The following EVI2B variants were observed in gnomAD, a reference collection of about 807,000 sequenced individuals.
EVI2B encodes ecotropic viral integration site 2B.
Under a neutral mutation model 6.6 loss-of-function variants are expected in EVI2B, and 4 were observed. The observed-to-expected ratio is 0.61, with a 90% confidence interval of 0.30 to 1.39. The LOEUF is 1.39. EVI2B is among the 40% of genes most tolerant of loss of function. The pLI, the probability that EVI2B is intolerant of heterozygous loss-of-function variation, is 0.08. For synonymous variants in EVI2B, 181 were observed against 186.8 expected (o/e 0.97, Z 0.25); for missense variants, 484 against 516.6 (o/e 0.94, Z 0.61).
chr17:31,307,933 C>A, intron 1 of EVI2B: 35 of 1,288,794 alleles, frequency 2.7e-5, no homozygotes, highest in Non-Finnish European at 3.5e-5. Flanking sequence ...TCCTCTACCA[C>A]TTGGTACACA....
chr17:31,308,801 C>T (rs1179418816), intron 1 of EVI2B, among the ~76,000 whole-genome samples: 1 of 152,136 alleles, frequency 6.6e-6, no homozygotes, highest in Non-Finnish European at 1.5e-5. Context: ...TTCCCCCTAG[C>T]TCTCATTTAT....
chr17:31,304,549 TG>T lies in EVI2B; in HGVS notation c.1060del (p.Gln354AsnfsTer7). 4 of 1,614,178 alleles carry T rather than the reference TG, an allele frequency of 2.5e-6. No homozygotes were observed. Among genetic ancestry groups the T allele is most frequent in the Non-Finnish European group, 2.5e-6 (3 of 1,180,020 alleles). On this transcript the variant is annotated frameshift_variant, in exon 2 of 2. Coordinates refer to ENST00000330927, the MANE Select transcript of EVI2B (RefSeq NM_006495.4). LOFTEE classifies it low-confidence loss of function (END_TRUNC). ...LLDLEGQESN[Q>X]SDKPTMTIVS... is the part of the protein sequence containing the mutation. ...AATTGTCATTGTGGGTTTGTCAGAT[TG>T]GTTACTTTCCTGTCCTTCCAAATCC...
At chr17:31,310,802 G>T (rs894936471) in intron 1 of EVI2B, among the ~76,000 whole-genome samples, 2 of 151,984 alleles carry the variant, frequency 1.3e-5, no homozygotes, top group Admixed American at 1.3e-4. Flanking sequence ...TTATAGGCTG[G>T]CACTTTGAGG....
chr17:31,305,935 TACTTC>T (rs998770690), intron 1 of EVI2B, among the ~76,000 whole-genome samples: 2 of 152,200 alleles, frequency 1.3e-5, no homozygotes, highest in African/African-American at 4.8e-5. Context: ...TATATTTCAG[TACTTC>T]ACTTAGTCAT....
chr17:31,307,928 T>C, intron 1 of EVI2B: 2 of 1,288,930 alleles, frequency 1.6e-6, no homozygotes, highest in South Asian at 1.2e-5. Flanking sequence ...CTTACTCCTC[T>C]ACCACTTGGT....
intron 1 of EVI2B, among the ~76,000 whole-genome samples, chr17:31,311,345 C>T (rs1354381290): frequency 6.6e-6 from 1 of 151,886 alleles, no homozygotes; most frequent in Non-Finnish European, 1.5e-5. Context: ...AGGAAGTATG[C>T]CATTATCTTT....
At position 31,303,947 on chromosome 17, in the gene EVI2B, A is replaced by T; in HGVS notation, c.*316T>A. The T allele has an allele frequency of 5.5e-6, 1 of 183,042 alleles. No homozygotes were observed. The highest frequency in any genetic ancestry group is 1.1e-5 in the Non-Finnish European group (1 of 87,654). 11.3% of individuals were successfully genotyped at this position (183,042 alleles called of 1,614,324 possible). On this transcript the variant is annotated 3_prime_UTR_variant, in exon 2 of 2. Transcript: ENST00000330927. ...ACCATAATTTTATACACAGCTTTTC[A>T]GGGGAAAAAAAACTGTACTGGGTAA...
intron 1 of EVI2B, among the ~76,000 whole-genome samples, chr17:31,308,705 T>C (rs2068795093): frequency 6.6e-6 from 1 of 152,162 alleles, no homozygotes; most frequent in Non-Finnish European, 1.5e-5. Flanking sequence ...TCTGTCCTCA[T>C]CTTTCAGACC....
In EVI2B at chr17:31,305,207, T is replaced by A. The variant is rs2068682043; in HGVS notation, c.403A>T (p.Thr135Ser). Residue 135 changes from threonine (T) to serine (S), a missense_variant, in exon 2 of 2, where the codon ACC becomes TCC. Transcript: ENST00000330927. ...ARQLPSARTS[T>S]TQPPKSFVYT... Reference sequence around the variant, plus strand: ...ACAAATGACTTTGGTGGTTGTGTGGTAGAAGTACGGGCAGATGGTAGTTGT... The same window carrying A: ...ACAAATGACTTTGGTGGTTGTGTGGAAGAAGTACGGGCAGATGGTAGTTGT... The A allele has an allele frequency of 6.2e-7, 1 of 1,614,190 alleles. No individual in the cohort carries two copies. Among genetic ancestry groups the A allele is most frequent in the Non-Finnish European group, 8.5e-7 (1 of 1,180,032 alleles).
intron 1 of EVI2B, among the ~76,000 whole-genome samples, chr17:31,313,766 ATAAACT>A (rs1035613667): frequency 1.3e-5 from 2 of 151,204 alleles, no homozygotes; most frequent in South Asian, 2.1e-4. Flanking sequence ...GTGAGATTAA[ATAAACT>A]TAAAAGGTCT....
At chr17:31,311,804 A>G (rs909686972) in intron 1 of EVI2B, among the ~76,000 whole-genome samples, 14 of 152,224 alleles carry the variant, frequency 9.2e-5, no homozygotes, top group African/African-American at 3.1e-4. Context: ...GTTTCTTTCT[A>G]TCACATTTCA....
chr17:31,306,416 A>T (rs2068722645), intron 1 of EVI2B, among the ~76,000 whole-genome samples: 1 of 152,144 alleles, frequency 6.6e-6, no homozygotes, highest in African/African-American at 2.4e-5. Flanking sequence ...ATAGACATAG[A>T]TATAGATATA....
intron 1 of EVI2B, among the ~76,000 whole-genome samples, 163 bp from the exon 2 acceptor site, chr17:31,305,793 C>T (rs1181962556): frequency 6.6e-6 from 1 of 152,168 alleles, no homozygotes; most frequent in Non-Finnish European, 1.5e-5. Flanking sequence ...ACTTGATACA[C>T]TGTAGGTTTG....
At chr17:31,307,439 A>G (rs9807077) in intron 1 of EVI2B, among the ~76,000 whole-genome samples, 73,442 of 152,090 alleles carry the variant, frequency 0.48, 22,216 homozygotes, top group African/African-American at 0.86. Flanking sequence ...AAGTCTATAA[A>G]AACTAATTAA....
intron 1 of EVI2B, among the ~76,000 whole-genome samples, chr17:31,308,158 G>A (rs1042848750): frequency 2.0e-5 from 3 of 149,676 alleles, no homozygotes. Flanking sequence ...TTTTTTTTTG[G>A]AGACAGAGTC....
chr17:31,311,352 C>T (rs1180260197), intron 1 of EVI2B, among the ~76,000 whole-genome samples: 1 of 152,054 alleles, frequency 6.6e-6, no homozygotes, highest in African/African-American at 2.4e-5. Flanking sequence ...ATGCCATTAT[C>T]TTTTAAAGAG....
At chr17:31,311,553 A>G (rs563662813) in intron 1 of EVI2B, among the ~76,000 whole-genome samples, 1 of 152,344 alleles carries the variant, frequency 6.6e-6, no homozygotes, top group East Asian at 1.9e-4. Flanking sequence ...GAAAAGTGGA[A>G]AGAGAAATTG....
At chr17:31,306,321 G>A (rs1428728666) in intron 1 of EVI2B, among the ~76,000 whole-genome samples, 2 of 151,526 alleles carry the variant, frequency 1.3e-5, no homozygotes, top group African/African-American at 2.4e-5. Context: ...TCCTAAACCT[G>A]TACCTCCAGC....
rs532544954 is a variant in EVI2B at position 31,305,275 on chromosome 17, A to G, written c.335T>C (p.Ile112Thr). ...GGCTTGCTGGGAGGAGGTGTTGGCT[A>G]TTGGTGTTGGTTGTTTGGTGTTGTA... ...LAYNTKQPTP[I>T]ANTSSQQAVF... is the part of the protein sequence containing the mutation. The change falls in exon 2 of 2, where the codon ATA becomes ACA. Residue 112 changes from isoleucine to threonine, a missense_variant. By Grantham distance (89) the Ile-to-Thr change is moderately conservative. Coordinates refer to ENST00000330927, the MANE Select transcript of EVI2B (RefSeq NM_006495.4). 71 of 1,614,074 alleles carry G rather than the reference A, an allele frequency of 4.4e-5. No individual in the cohort carries two copies. In the South Asian group the frequency reaches 5.3e-4, roughly 12 times the overall value.
Sources: allele counts gnomAD v4.1 joint callset (sites outside exome capture counted in the v4.1 genomes callset), GRCh38; gene constraint gnomAD v4.1.1; transcripts MANE v1.5; gene names NCBI Gene and HGNC (gene_info 2026-07-23, HGNC 2026-07-21).